Variants in LRBA observed in about 807,000 individuals in gnomAD.
LRBA encodes the protein LPS responsive beige-like anchor protein, also known as lipopolysaccharide-responsive and beige-like anchor protein.
LRBA carries 176 observed loss-of-function variants against 330.0 expected under a neutral mutation model. That is an observed-to-expected ratio of 0.53 (90% CI 0.47 to 0.60). The LOEUF (loss-of-function observed/expected upper bound fraction) is 0.60, where lower values mean the gene tolerates loss of function less well. LRBA is among the 20% of genes least tolerant of loss of function. LRBA has a pLI of 0.00. For missense variants in LRBA, 3,259 were observed against 3,444.8 expected (o/e 0.95, Z 1.35); for synonymous variants, 1,230 against 1,193.0 (o/e 1.03, Z -0.64).
chr4:150,328,499 T>C (rs961534229), intron 48 of LRBA, among the ~76,000 whole-genome samples: 3 of 152,140 alleles, frequency 2.0e-5, no homozygotes, highest in African/African-American at 7.2e-5. Context: ...CCTCAATACA[T>C]GGAGATAGGG....
chr4:150,802,434 GA>G (rs1183060392), intron 33 of LRBA, among the ~76,000 whole-genome samples: 2 of 150,968 alleles, frequency 1.3e-5, no homozygotes, highest in Non-Finnish European at 3.0e-5. Flanking sequence ...TCAAGATACA[GA>G]AAAAATAAGA....
At chr4:150,845,765 G>A (rs1212740257) in intron 26 of LRBA, among the ~76,000 whole-genome samples, 1 of 152,128 alleles carries the variant, frequency 6.6e-6, no homozygotes, top group Non-Finnish European at 1.5e-5. Flanking sequence ...GAGAGAATAT[G>A]GAATACAGCT....
At chr4:150,969,256 C>T (rs766398829) in intron 2 of LRBA, among the ~76,000 whole-genome samples, 12 of 152,160 alleles carry the variant, frequency 7.9e-5, no homozygotes, top group Non-Finnish European at 1.8e-4. Context: ...CTAGGAAATA[C>T]ATTTTGTAAG....
At chr4:150,953,851 C>A (rs1433242285) in intron 2 of LRBA, among the ~76,000 whole-genome samples, 1 of 150,824 alleles carries the variant, frequency 6.6e-6, no homozygotes, top group Non-Finnish European at 1.5e-5. Flanking sequence ...AGCCCCTCTG[C>A]CTGGCTGCCC....
At chr4:150,751,483 T>G (rs1733546883) in intron 35 of LRBA, among the ~76,000 whole-genome samples, 1 of 152,084 alleles carries the variant, frequency 6.6e-6, no homozygotes, top group Non-Finnish European at 1.5e-5. Context: ...TCTATATGCC[T>G]ATTTTCCTAA....
At chr4:150,539,176 A>G (rs1440367667) in intron 40 of LRBA, among the ~76,000 whole-genome samples, 2 of 152,018 alleles carry the variant, frequency 1.3e-5, no homozygotes, top group Non-Finnish European at 2.9e-5. Context: ...GGGTTTCATC[A>G]TGTTGTTCAG....
At chr4:150,465,633 T>C (rs1755349946) in intron 44 of LRBA, among the ~76,000 whole-genome samples, 1 of 152,166 alleles carries the variant, frequency 6.6e-6, no homozygotes, top group African/African-American at 2.4e-5. Context: ...TTTCATCTCA[T>C]TGGCCACTTG....
At chr4:150,730,303 AAAGT>A (rs556704315) in intron 36 of LRBA, among the ~76,000 whole-genome samples, 1 of 152,252 alleles carries the variant, frequency 6.6e-6, no homozygotes, top group South Asian at 2.1e-4. Context: ...TGTATAGGAA[AAAGT>A]AATAATCCAA....
At chr4:150,923,107 T>C (rs575837223) in intron 4 of LRBA, among the ~76,000 whole-genome samples, 38 of 148,944 alleles carry the variant, frequency 2.6e-4, no homozygotes, top group Non-Finnish European at 5.0e-4. Context: ...CAACTTAAGA[T>C]GGGTTTAGCC....
chr4:150,670,840 T>C (rs1781984544), intron 37 of LRBA, among the ~76,000 whole-genome samples: 1 of 152,220 alleles, frequency 6.6e-6, no homozygotes, highest in Non-Finnish European at 1.5e-5. Context: ...AAAGAAATCT[T>C]GCTTTTACTA....
intron 29 of LRBA, among the ~76,000 whole-genome samples, chr4:150,830,975 G>T (rs1044034161): frequency 1.3e-5 from 2 of 151,862 alleles, no homozygotes; most frequent in Non-Finnish European, 2.9e-5. Flanking sequence ...ATGTTGGCCA[G>T]GATGGTCTCC....
chr4:150,840,811 C>T (rs556131693), intron 28 of LRBA: 14 of 563,960 alleles, frequency 2.5e-5, no homozygotes, highest in African/African-American at 1.2e-4. Flanking sequence ...ATCCAGTAAT[C>T]GGCAACATGC....
At chr4:150,970,162 G>A (rs569986437) in intron 2 of LRBA, among the ~76,000 whole-genome samples, 1 of 152,044 alleles carries the variant, frequency 6.6e-6, no homozygotes, top group African/African-American at 2.4e-5. Context: ...TTTAATGAAG[G>A]TGTGTGCATT....
At chr4:150,472,275 C>T (rs1441363802) in intron 42 of LRBA, among the ~76,000 whole-genome samples, 5 of 151,904 alleles carry the variant, frequency 3.3e-5, no homozygotes, top group Non-Finnish European at 5.9e-5. Context: ...TTTCCTGTAG[C>T]CTCCTAATGA....
intron 36 of LRBA, among the ~76,000 whole-genome samples, chr4:150,718,621 A>C (rs1456670884): frequency 6.6e-6 from 1 of 152,172 alleles, no homozygotes; most frequent in Non-Finnish European, 1.5e-5. Flanking sequence ...TCTGATGTAG[A>C]AGAGATGAAC....
At chr4:150,432,438 TAATTTA>T (rs1259263394) in intron 46 of LRBA, among the ~76,000 whole-genome samples, 2 of 146,232 alleles carry the variant, frequency 1.4e-5, no homozygotes, top group African/African-American at 2.5e-5. Context: ...TATATTACAG[TAATTTA>T]AGTGTGTTCT....
At chr4:150,703,139 C>T (rs751963032) in intron 36 of LRBA, among the ~76,000 whole-genome samples, 4 of 152,066 alleles carry the variant, frequency 2.6e-5, no homozygotes, top group Non-Finnish European at 4.4e-5. Context: ...CCAACCTAGG[C>T]GACAGTGCGA....
intron 41 of LRBA, among the ~76,000 whole-genome samples, chr4:150,488,153 A>C (rs1046167205): frequency 6.6e-6 from 1 of 151,646 alleles, no homozygotes; most frequent in African/African-American, 2.4e-5. Context: ...TAGCTGAGAT[A>C]ATGTGACATG....
chr4:150,542,434 T>C (rs980655290), intron 40 of LRBA, among the ~76,000 whole-genome samples: 6 of 152,210 alleles, frequency 3.9e-5, no homozygotes, highest in African/African-American at 1.2e-4. Context: ...TGTTATGACC[T>C]TTTCCTTCAT....
Sources: allele counts gnomAD v4.1 joint callset (sites outside exome capture counted in the v4.1 genomes callset), GRCh38; gene constraint gnomAD v4.1.1; transcripts MANE v1.5; gene names NCBI Gene and HGNC (gene_info 2026-07-23, HGNC 2026-07-21).